Variants in PCDHGA3 observed in about 807,000 individuals in gnomAD.
PCDHGA3 encodes the protein protocadherin gamma-A3.
In PCDHGA3, 40 loss-of-function variants were observed where a neutral mutation model predicts 58.5. The ratio of observed to expected loss-of-function variants is 0.68; its 90% confidence interval spans 0.53 to 0.89. The LOEUF is 0.89. PCDHGA3 is among the 40% of genes least tolerant of loss of function. The probability of loss-of-function intolerance (pLI) is 0.00; values close to 1 mark genes in which losing one functional copy is unlikely to be tolerated. For synonymous variants in PCDHGA3, 530 were observed against 525.7 expected (o/e 1.01, Z -0.11); for missense variants, 1,223 against 1,195.9 (o/e 1.02, Z -0.33).
chr5:141,383,304 G>T (rs1779007855), intron 1 of PCDHGA3: 1 of 1,613,800 alleles, frequency 6.2e-7, no homozygotes. Context: ...GATTCTTGAC[G>T]GAAGAAATAA....
At chr5:141,440,382 C>T (rs898655247) in intron 1 of PCDHGA3, 2 of 152,178 alleles carry the variant, frequency 1.3e-5, no homozygotes, top group Non-Finnish European at 2.9e-5. Context: ...AGGAGAATCG[C>T]TTGAACCCGA....
At chr5:141,393,158 ACT>A (rs768666493) in intron 1 of PCDHGA3, 1 of 1,613,126 alleles carries the variant, frequency 6.2e-7, no homozygotes, top group East Asian at 2.2e-5. Context: ...ATAAAGGAAA[ACT>A]CTTTGGGGTA....
chr5:141,465,997 C>T (rs1344380021), intron 1 of PCDHGA3, among the ~76,000 whole-genome samples: 1 of 151,918 alleles, frequency 6.6e-6, no homozygotes, highest in Non-Finnish European at 1.5e-5. Context: ...TGGCAGGCAC[C>T]TGTAGTCCCA....
At chr5:141,418,326 C>T (rs1398536611) in intron 1 of PCDHGA3, 2 of 1,613,986 alleles carry the variant, frequency 1.2e-6, no homozygotes, top group Non-Finnish European at 1.7e-6. Context: ...ATTCTTGAGT[C>T]TGCAGAAGAT....
At position 141,428,400 on chromosome 5, in the gene PCDHGA3, G is replaced by T. The variant is rs373595231; in HGVS notation, c.2425-66407G>T. 3 of 483,290 alleles carry T rather than the reference G, an allele frequency of 6.2e-6. No individual in the cohort carries two copies. The East Asian group carries it at 1.2e-4, about 20-fold the overall frequency. 29.9% of individuals were successfully genotyped at this position (483,290 alleles called of 1,614,324 possible). ...GATGCTCTTCCAGCCCCTCTGCCTGGGGTTGCTTTCACCCTGGTCTCTGTT... is the reference window on the plus strand; with the variant it reads ...GATGCTCTTCCAGCCCCTCTGCCTGTGGTTGCTTTCACCCTGGTCTCTGTT... On this transcript the variant is annotated intron_variant, in intron 1 of 3. Coordinates refer to ENST00000253812, the MANE Select transcript of PCDHGA3 (RefSeq NM_018916.4).
intron 1 of PCDHGA3, chr5:141,360,106 T>C: frequency 5.8e-6 from 9 of 1,552,260 alleles, no homozygotes; most frequent in Non-Finnish European, 7.8e-6. Flanking sequence ...TTATTCCTCC[T>C]ATGGGCAAAG....
intron 1 of PCDHGA3, chr5:141,378,539 A>G (rs891154115): frequency 5.3e-5 from 8 of 152,296 alleles, no homozygotes; most frequent in African/African-American, 1.9e-4. Flanking sequence ...TAATAATGAT[A>G]ATTAATAAAT....
At chr5:141,356,532 C>T (rs1367713554) in intron 1 of PCDHGA3, 2 of 1,613,786 alleles carry the variant, frequency 1.2e-6, no homozygotes, top group South Asian at 2.2e-5. Flanking sequence ...AAGTGATGGA[C>T]ATCAATGACA....
chr5:141,504,161 T>C (rs931754061), intron 2 of PCDHGA3, among the ~76,000 whole-genome samples: 1 of 152,196 alleles, frequency 6.6e-6, no homozygotes, highest in Non-Finnish European at 1.5e-5. Context: ...AATAATTTCA[T>C]CCTTGGAAAT....
rs553104661 is a variant in PCDHGA3 at position 141,460,009 on chromosome 5, C to T, written c.2425-34798C>T. ...AGGAGAATCGCTTGAACCCAGGAGG[C>T]GGAGGTTGCAGTGAGCCGAGACTGC... On this transcript the variant is annotated intron_variant, in intron 1 of 3. Coordinates refer to ENST00000253812, the MANE Select transcript of PCDHGA3 (RefSeq NM_018916.4). 9.9e-4 allele frequency among the ~76,000 whole-genome samples: 150 copies of T among 152,212 alleles called. 1 individual carries two copies. The highest frequency in any genetic ancestry group is 3.4e-3 in the Middle Eastern group (1 of 294).
rs1438257730 is a variant in PCDHGA3, at chr5:141,477,587, C to G, written c.2425-17220C>G. 4.3e-6 allele frequency: 7 copies of G among 1,614,094 alleles called. 1 individual carries two copies. In the South Asian group the frequency reaches 7.7e-5, roughly 18 times the overall value. ...GGACCCCGACGCCCCGCAGAATGCT[C>G]GGCTTTCTTTCTTTCTCTTGGAGCA... On this transcript the variant is annotated intron_variant, in intron 1 of 3. Transcript: ENST00000253812. The surrounding 1 kb of genome is among the most constrained non-coding windows in gnomAD (Gnocchi z 4.9).
At chr5:141,399,736 G>A (rs771689220) in intron 1 of PCDHGA3, 4 of 1,613,306 alleles carry the variant, frequency 2.5e-6, no homozygotes, top group Non-Finnish European at 3.4e-6. Flanking sequence ...GGGCTCGCCT[G>A]CGCTCAGCGC....
At chr5:141,469,671 A>T (rs1285283342) in intron 1 of PCDHGA3, among the ~76,000 whole-genome samples, 3 of 152,236 alleles carry the variant, frequency 2.0e-5, no homozygotes, top group Admixed American at 1.3e-4. Flanking sequence ...TTCTAATAAA[A>T]CTACATATGC....
At chr5:141,383,161 G>T (rs774337554) in intron 1 of PCDHGA3, 1 of 1,614,052 alleles carries the variant, frequency 6.2e-7, no homozygotes, top group East Asian at 2.2e-5. Flanking sequence ...GGTCACTGCG[G>T]GCAGGATAGA....
chr5:141,389,276 G>T (rs375882135), intron 1 of PCDHGA3: 4 of 1,613,858 alleles, frequency 2.5e-6, no homozygotes, highest in South Asian at 2.2e-5. Flanking sequence ...AGAACAACCC[G>T]CCTGGAGCCT....
intron 1 of PCDHGA3, chr5:141,391,427 A>G (rs1374909206): frequency 1.3e-5 from 2 of 151,516 alleles, no homozygotes; most frequent in Non-Finnish European, 2.9e-5. Flanking sequence ...TTCCTTCTGC[A>G]TCAGCCTCCT....
chr5:141,365,789 G>A (rs200109132), intron 1 of PCDHGA3: 1 of 1,613,778 alleles, frequency 6.2e-7, no homozygotes, highest in African/African-American at 1.3e-5. Flanking sequence ...CAACGCTCGA[G>A]TCACCTACTC....
In PCDHGA3 at chr5:141,489,744, C is replaced by T. The variant is rs185263705; in HGVS notation, c.2425-5063C>T. The T allele has an allele frequency of 1.1e-5, 18 of 1,614,144 alleles. No homozygotes were observed. In the Admixed American group the frequency reaches 2.8e-4, roughly 25 times the overall value. Reference sequence around the variant, plus strand: ...CGGATGTGGGCACCAATACTGTGAGCTTTTACACTCTAAGCCCCAACAGCC... The same window carrying T: ...CGGATGTGGGCACCAATACTGTGAGTTTTTACACTCTAAGCCCCAACAGCC... On this transcript the variant is annotated intron_variant, in intron 1 of 3. Transcript: ENST00000253812. This position sits in a 1 kb window ranked among gnomAD's most constrained non-coding sequence, Gnocchi z 4.5.
intron 1 of PCDHGA3, chr5:141,478,270 C>G (rs1347709530): frequency 5.6e-6 from 9 of 1,614,078 alleles, no homozygotes; most frequent in Non-Finnish European, 6.8e-6. Context: ...TCAAAGTTTA[C>G]AAGTGGAAGC....
Sources: allele counts gnomAD v4.1 joint callset (sites outside exome capture counted in the v4.1 genomes callset), GRCh38; gene constraint gnomAD v4.1.1; non-coding constraint Gnocchi (gnomAD v3.1); transcripts MANE v1.5; gene names NCBI Gene and HGNC (gene_info 2026-07-23, HGNC 2026-07-21).